The following OR11A1 variants were observed in gnomAD, a reference collection of about 807,000 sequenced individuals.
OR11A1 encodes olfactory receptor family 11 subfamily A member 1.
For synonymous variants in OR11A1, 158 were observed against 152.2 expected, an observed-to-expected ratio of 1.04 and a Z score of -0.28; for missense variants, 380 against 378.2, an observed-to-expected ratio of 1.00 and a Z score of -0.04.
intron 1 of OR11A1, 128 bp downstream of exon 1, chr6:29,456,859 T>A (rs1786389389): frequency 6.6e-6 from 1 of 152,200 alleles, no homozygotes; most frequent in Non-Finnish European, 1.5e-5. Flanking sequence ...ATCTTTCTTT[T>A]AACTTTTTAA....
chr6:29,446,988 C>A (rs1293778392), intron 1 of OR11A1, among the ~76,000 whole-genome samples: 1 of 152,312 alleles, frequency 6.6e-6, no homozygotes, highest in South Asian at 2.1e-4. Context: ...CGACCATAGG[C>A]ACCCTGATGG....
At chr6:29,441,409 G>T (rs1784181360) in intron 1 of OR11A1, among the ~76,000 whole-genome samples, 1 of 152,166 alleles carries the variant, frequency 6.6e-6, no homozygotes, top group Non-Finnish European at 1.5e-5. Flanking sequence ...GCTAAAGACA[G>T]ATTCCTCAAG....
At chr6:29,448,010 C>CTTTTTTTTTTTTTTTTTTTTTTTTTTTTT (rs9280602) in intron 1 of OR11A1, among the ~76,000 whole-genome samples, 1 of 79,934 alleles carries the variant, frequency 1.3e-5, no homozygotes. Context: ...ATGACCCTTT[C>CTTTTTTTTTTTTTTTTTTTTTTTTTTTTT]TTTTTTTTTT....
chr6:29,456,228 T>TC (rs1786210793), intron 1 of OR11A1, among the ~76,000 whole-genome samples: 1 of 125,926 alleles, frequency 7.9e-6, no homozygotes, highest in Non-Finnish European at 1.7e-5. Context: ...AAACTCAGTC[T>TC]AAAAAAAAAA....
intron 1 of OR11A1, among the ~76,000 whole-genome samples, chr6:29,443,342 T>A (rs1016580552): frequency 6.6e-6 from 1 of 152,144 alleles, no homozygotes; most frequent in African/African-American, 2.4e-5. Flanking sequence ...ATATTTTTCT[T>A]TTTTCAGAGT....
chr6:29,428,673 C>G (rs960228573), intron 4 of OR11A1, among the ~76,000 whole-genome samples: 1 of 140,728 alleles, frequency 7.1e-6, no homozygotes, highest in South Asian at 2.3e-4. Flanking sequence ...AGAAGAATGG[C>G]GTGAACTCAG....
intron 4 of OR11A1, chr6:29,428,390 G>A: frequency 1.0e-5 from 10 of 985,520 alleles, no homozygotes; most frequent in Non-Finnish European, 1.2e-5. Context: ...GGGGCAGAAG[G>A]TGTGGGATCA....
At chr6:29,439,891 A>G in intron 1 of OR11A1, 3 of 708,362 alleles carry the variant, frequency 4.2e-6, no homozygotes, top group Admixed American at 2.8e-5. Context: ...ATATTCTAAT[A>G]GAAAGGGAGA....
intron 1 of OR11A1, among the ~76,000 whole-genome samples, chr6:29,444,869 A>C (rs1784567870): frequency 6.6e-6 from 1 of 151,986 alleles, no homozygotes; most frequent in African/African-American, 2.4e-5. Context: ...TTGAAATCCC[A>C]CTGCTCTGTC....
intron 1 of OR11A1, among the ~76,000 whole-genome samples, chr6:29,442,725 A>T (rs1356120927): frequency 6.6e-6 from 1 of 152,246 alleles, no homozygotes; most frequent in Non-Finnish European, 1.5e-5. Flanking sequence ...CATTTTATCA[A>T]TGTGGAAAAC....
At chr6:29,443,820 A>T (rs1231351273) in intron 1 of OR11A1, among the ~76,000 whole-genome samples, 1 of 152,014 alleles carries the variant, frequency 6.6e-6, no homozygotes, top group Non-Finnish European at 1.5e-5. Context: ...TATTTTTGAG[A>T]TATCTAGTTT....
intron 1 of OR11A1, among the ~76,000 whole-genome samples, chr6:29,452,838 A>G (rs1419523736): frequency 6.6e-6 from 1 of 152,144 alleles, no homozygotes; most frequent in African/African-American, 2.4e-5. Flanking sequence ...GGAACGAAAA[A>G]CTTTCAAGAT....
intron 1 of OR11A1, among the ~76,000 whole-genome samples, chr6:29,432,462 C>G (rs1168374599): frequency 6.6e-6 from 1 of 152,110 alleles, no homozygotes; most frequent in Non-Finnish European, 1.5e-5. Flanking sequence ...CTCCCAGGAG[C>G]CTGCCCTCAA....
At chr6:29,435,066 C>T (rs747680338) in intron 1 of OR11A1, among the ~76,000 whole-genome samples, 1 of 152,204 alleles carries the variant, frequency 6.6e-6, no homozygotes, top group Non-Finnish European at 1.5e-5. Context: ...GTAAATTATT[C>T]TATAAGCTAC....
intron 1 of OR11A1, among the ~76,000 whole-genome samples, chr6:29,444,972 C>T (rs1025165194): frequency 1.3e-5 from 2 of 152,186 alleles, no homozygotes; most frequent in Non-Finnish European, 2.9e-5. Flanking sequence ...TGCACCCCAG[C>T]TCCTGATGGT....
chr6:29,443,844 CTGT>C (rs966510239), intron 1 of OR11A1, among the ~76,000 whole-genome samples: 1 of 151,930 alleles, frequency 6.6e-6, no homozygotes, highest in Admixed American at 6.6e-5. Context: ...GTCTCACTTG[CTGT>C]TGTTGTTGTT....
intron 1 of OR11A1, among the ~76,000 whole-genome samples, chr6:29,443,209 GGCGCA>G (rs1784384864): frequency 6.6e-6 from 1 of 152,078 alleles, no homozygotes; most frequent in African/African-American, 2.4e-5. Context: ...TGACATTATA[GGCGCA>G]ATCACGAAAT....
At chr6:29,431,484 T>C (rs115800484) in intron 2 of OR11A1, among the ~76,000 whole-genome samples, 2,927 of 152,272 alleles carry the variant, frequency 0.019, 62 homozygotes, top group African/African-American at 0.042. Flanking sequence ...AGGAAAACTT[T>C]CCACCATGAA....
intron 1 of OR11A1, chr6:29,439,980 T>C: frequency 6.4e-7 from 1 of 1,552,696 alleles, no homozygotes; most frequent in Non-Finnish European, 8.8e-7. Flanking sequence ...TTCCTTGCCA[T>C]TTCTTTTGTC....
Sources: allele counts gnomAD v4.1 joint callset (sites outside exome capture counted in the v4.1 genomes callset), GRCh38; gene constraint gnomAD v4.1.1; transcripts MANE v1.5; gene names NCBI Gene and HGNC (gene_info 2026-07-23, HGNC 2026-07-21).